FYN: variants seen among roughly 807,000 people sequenced by gnomAD.
FYN encodes FYN proto-oncogene, Src family tyrosine kinase.
In FYN, 10 loss-of-function variants were observed where a neutral mutation model predicts 70.2. The observed-to-expected ratio is 0.14, with a 90% CI of 0.09 to 0.24. The LOEUF is 0.24. FYN is among the 10% of genes least tolerant of loss of function. The probability of loss-of-function intolerance (pLI) is 1.00; values close to 1 mark genes in which losing one functional copy is unlikely to be tolerated. For synonymous variants in FYN, 236 were observed against 248.6 expected (o/e 0.95, Z 0.48); for missense variants, 319 against 673.1 (o/e 0.47, Z 5.82).
intron 3 of FYN, among the ~76,000 whole-genome samples, chr6:111,765,627 T>G (rs1350917873): frequency 2.0e-5 from 3 of 152,222 alleles, no homozygotes; most frequent in Non-Finnish European, 4.4e-5. Context: ...GTTCTAAGAC[T>G]TATTCATAAC....
chr6:111,691,011 CAA>C (rs1799290955), intron 12 of FYN, among the ~76,000 whole-genome samples: 1 of 152,160 alleles, frequency 6.6e-6, no homozygotes, highest in Non-Finnish European at 1.5e-5. Flanking sequence ...CAGAATTTAG[CAA>C]AGTGTTTGTA....
At chr6:111,798,865 T>C (rs1294571341) in intron 2 of FYN, among the ~76,000 whole-genome samples, 1 of 152,194 alleles carries the variant, frequency 6.6e-6, no homozygotes, top group Non-Finnish European at 1.5e-5. Flanking sequence ...CCTTTGAAAA[T>C]TGTATATTTA....
intron 13 of FYN, among the ~76,000 whole-genome samples, chr6:111,663,208 G>C (rs1023216049): frequency 6.6e-6 from 1 of 152,202 alleles, no homozygotes; most frequent in African/African-American, 2.4e-5. Context: ...TATCTGACCC[G>C]GTTAATTTGC....
At position 111,714,336 on chromosome 6, in the gene FYN, TC is replaced by T. The variant is rs747250347; in HGVS notation, c.344+10del. The T allele has an allele frequency of 5.0e-6, 8 of 1,597,186 alleles. No homozygotes were observed. In the South Asian group the frequency reaches 8.8e-5, roughly 18 times the overall value. ...AAGGTATACATGCTTCTCCTCCCTC[TC>T]CAAACTTACGAGCTGTTCAATATTT... On this transcript the variant is annotated intron_variant, in intron 5 of 13. Transcript: ENST00000354650.
chr6:111,683,019 C>T (rs1021014359), intron 12 of FYN, among the ~76,000 whole-genome samples: 1 of 152,202 alleles, frequency 6.6e-6, no homozygotes, highest in Non-Finnish European at 1.5e-5. Flanking sequence ...AAAAAACCCT[C>T]CTAATCAAAA....
At chr6:111,816,939 C>T (rs1772506872) in intron 2 of FYN, among the ~76,000 whole-genome samples, 1 of 152,134 alleles carries the variant, frequency 6.6e-6, no homozygotes, top group African/African-American at 2.4e-5. Context: ...GAATTTAGCA[C>T]AGTGTCTGCT....
At chr6:111,773,949 T>C (rs545278309) in intron 3 of FYN, among the ~76,000 whole-genome samples, 1 of 152,226 alleles carries the variant, frequency 6.6e-6, no homozygotes, top group Admixed American at 6.5e-5. Context: ...CAGATAGGTA[T>C]GACGTTTAAG....
chr6:111,795,873 C>G (rs1479290522), intron 2 of FYN, among the ~76,000 whole-genome samples: 1 of 152,146 alleles, frequency 6.6e-6, no homozygotes, highest in Non-Finnish European at 1.5e-5. Flanking sequence ...CATGATGAAT[C>G]AATTTCTATT....
intron 2 of FYN, among the ~76,000 whole-genome samples, chr6:111,823,200 G>A (rs775230218): frequency 6.6e-6 from 1 of 152,196 alleles, no homozygotes; most frequent in Non-Finnish European, 1.5e-5. Flanking sequence ...GTGGCCATAG[G>A]CTACAGGTGT....
At chr6:111,763,823 G>C (rs1199244530) in intron 3 of FYN, among the ~76,000 whole-genome samples, 3 of 152,076 alleles carry the variant, frequency 2.0e-5, no homozygotes, top group Non-Finnish European at 4.4e-5. Context: ...GGGAGACTTT[G>C]GGCAGGTGTG....
chr6:111,832,835 T>C (rs959715270), intron 2 of FYN, among the ~76,000 whole-genome samples: 1 of 152,158 alleles, frequency 6.6e-6, no homozygotes. Context: ...AGAAATATTT[T>C]GAAAATGCCA....
At chr6:111,715,905 G>A (rs1800622114) in intron 4 of FYN, among the ~76,000 whole-genome samples, 1 of 152,182 alleles carries the variant, frequency 6.6e-6, no homozygotes, top group African/African-American at 2.4e-5. Flanking sequence ...GATCCAAGCG[G>A]TGCCACACTT....
intron 12 of FYN, among the ~76,000 whole-genome samples, chr6:111,690,819 G>GT (rs1378528866): frequency 6.6e-6 from 1 of 152,182 alleles, no homozygotes; most frequent in East Asian, 1.9e-4. Flanking sequence ...ACATCAGGTG[G>GT]TAGCGCTGGA....
intron 2 of FYN, among the ~76,000 whole-genome samples, chr6:111,811,122 T>G (rs1772311872): frequency 6.6e-6 from 1 of 152,228 alleles, no homozygotes; most frequent in Admixed American, 6.5e-5. Context: ...GTGCCTTTGC[T>G]GAATATACAA....
At chr6:111,714,177 C>T (rs918880525) in intron 5 of FYN, among the ~76,000 whole-genome samples, 170 bp downstream of exon 5, 1 of 152,220 alleles carries the variant, frequency 6.6e-6, no homozygotes, top group Non-Finnish European at 1.5e-5. Context: ...CCATAAAATA[C>T]TGCACTGTGT....
intron 5 of FYN, among the ~76,000 whole-genome samples, chr6:111,712,241 TATTCCTTG>T (rs1433330223): frequency 6.6e-6 from 1 of 152,228 alleles, no homozygotes; most frequent in East Asian, 1.9e-4. Context: ...GCACTCTTAC[TATTCCTTG>T]GTTCTTGCAG....
chr6:111,684,499 G>A (rs745425959), intron 12 of FYN, among the ~76,000 whole-genome samples: 2 of 152,214 alleles, frequency 1.3e-5, no homozygotes, highest in Non-Finnish European at 2.9e-5. Context: ...TGGACTCTAG[G>A]TATTAATCCT....
At chr6:111,768,017 C>T (rs1034944384) in intron 3 of FYN, among the ~76,000 whole-genome samples, 2 of 152,212 alleles carry the variant, frequency 1.3e-5, no homozygotes, top group Non-Finnish European at 2.9e-5. Flanking sequence ...TCAGGAATCA[C>T]GTGCTGTGGC....
intron 13 of FYN, among the ~76,000 whole-genome samples, chr6:111,673,619 A>ATTTTTTT (rs1184612877): frequency 4.6e-5 from 3 of 65,026 alleles, no homozygotes; most frequent in East Asian, 5.6e-4. Context: ...CGTTTCTATC[A>ATTTTTTT]TTGTTTTTTT....
Sources: allele counts gnomAD v4.1 joint callset (sites outside exome capture counted in the v4.1 genomes callset), GRCh38; gene constraint gnomAD v4.1.1; transcripts MANE v1.5; gene names NCBI Gene and HGNC (gene_info 2026-07-23, HGNC 2026-07-21).